Variants in SYT1 observed in about 807,000 individuals in gnomAD.
SYT1 encodes synaptotagmin 1.
Under a neutral mutation model 44.8 loss-of-function variants are expected in SYT1, and 8 were observed. The observed-to-expected ratio is 0.18, with a 90% confidence interval of 0.10 to 0.32. The LOEUF (loss-of-function observed/expected upper bound fraction) is 0.32, where lower values mean the gene tolerates loss of function less well. Ranked by LOEUF, SYT1 falls within the 10% of genes least tolerant of loss-of-function variation. The pLI, the probability that SYT1 is intolerant of heterozygous loss-of-function variation, is 1.00. For missense variants in SYT1, 286 were observed against 509.3 expected (o/e 0.56, Z 4.22); for synonymous variants, 154 against 188.8 (o/e 0.82, Z 1.51).
chr12:79,328,149 G>C (rs961608732), intron 8 of SYT1, among the ~76,000 whole-genome samples: 1 of 152,202 alleles, frequency 6.6e-6, no homozygotes, highest in African/African-American at 2.4e-5. Flanking sequence ...CGATATGGCT[G>C]TGAAGACAGA....
intron 2 of SYT1, among the ~76,000 whole-genome samples, chr12:79,039,194 A>G (rs1338398700): frequency 6.6e-6 from 1 of 151,986 alleles, no homozygotes; most frequent in Non-Finnish European, 1.5e-5. Context: ...TATTTTCTCA[A>G]TGTCAAGCCT....
chr12:79,263,948 C>T (rs995620002), intron 4 of SYT1, among the ~76,000 whole-genome samples: 1 of 151,380 alleles, frequency 6.6e-6, no homozygotes, highest in African/African-American at 2.4e-5. Flanking sequence ...CAGTAAAGGA[C>T]TAAAAATTGT....
At chr12:79,264,353 G>C (rs1878008397) in intron 4 of SYT1, among the ~76,000 whole-genome samples, 1 of 151,828 alleles carries the variant, frequency 6.6e-6, no homozygotes, top group African/African-American at 2.4e-5. Context: ...CTAATTTTTT[G>C]TATTTTTAGC....
At chr12:79,353,850 T>C (rs1565922532) in intron 9 of SYT1, among the ~76,000 whole-genome samples, 1 of 152,180 alleles carries the variant, frequency 6.6e-6, no homozygotes, top group East Asian at 1.9e-4. Context: ...GGAGCCAAAG[T>C]ATCAATTGTC....
At chr12:79,211,286 T>C (rs1323913119) in intron 3 of SYT1, among the ~76,000 whole-genome samples, 2 of 152,190 alleles carry the variant, frequency 1.3e-5, no homozygotes, top group African/African-American at 4.8e-5. Flanking sequence ...ATTTTATAGA[T>C]CATTATAATT....
At chr12:79,424,076 G>A (rs970887745) in intron 9 of SYT1, among the ~76,000 whole-genome samples, 4 of 151,908 alleles carry the variant, frequency 2.6e-5, no homozygotes, top group Admixed American at 1.3e-4. Flanking sequence ...ACTTAGTTCA[G>A]ATTATAAAGA....
chr12:79,370,840 A>G (rs1883756773), intron 9 of SYT1, among the ~76,000 whole-genome samples: 1 of 152,234 alleles, frequency 6.6e-6, no homozygotes, highest in South Asian at 2.1e-4. Context: ...CCTACCTGCC[A>G]TAGGTTAGGG....
chr12:79,170,020 A>G (rs1178851923), intron 3 of SYT1, among the ~76,000 whole-genome samples: 2 of 152,120 alleles, frequency 1.3e-5, no homozygotes, highest in Non-Finnish European at 2.9e-5. Flanking sequence ...TCTGCAAAGG[A>G]CATGATCTCA....
chr12:78,974,369 T>C (rs1321772858), intron 1 of SYT1, among the ~76,000 whole-genome samples: 18 of 152,060 alleles, frequency 1.2e-4, no homozygotes, highest in Non-Finnish European at 2.9e-5. Flanking sequence ...ACTTATAAAT[T>C]AAGAAAACAG....
intron 3 of SYT1, chr12:79,103,159 T>A (rs1878531656): frequency 6.6e-6 from 1 of 152,206 alleles, no homozygotes; most frequent in Admixed American, 6.5e-5. Flanking sequence ...GTTTTACTTA[T>A]CGTGGCAATT....
intron 4 of SYT1, among the ~76,000 whole-genome samples, chr12:79,279,011 TAAA>T (rs201517841): frequency 2.3e-5 from 3 of 128,148 alleles, no homozygotes; most frequent in East Asian, 2.1e-4. Context: ...GAATTAATAC[TAAA>T]AAAAAAAAAA....
At chr12:78,934,003 A>G (rs1877897628) in intron 1 of SYT1, among the ~76,000 whole-genome samples, 1 of 152,152 alleles carries the variant, frequency 6.6e-6, no homozygotes, top group Non-Finnish European at 1.5e-5. Context: ...TGGTCAATAC[A>G]GTTATTCCCT....
At chr12:79,003,650 A>C (rs1870886681) in intron 2 of SYT1, among the ~76,000 whole-genome samples, 1 of 151,982 alleles carries the variant, frequency 6.6e-6, no homozygotes, top group South Asian at 2.1e-4. Flanking sequence ...ACTTTAATTC[A>C]TATTATACTG....
chr12:79,039,038 C>T (rs1000935745), intron 2 of SYT1, among the ~76,000 whole-genome samples: 19 of 151,844 alleles, frequency 1.3e-4, no homozygotes, highest in Non-Finnish European at 1.9e-4. Flanking sequence ...CCAAAAATGC[C>T]GCAAAAATTA....
chr12:79,060,490 T>G (rs1281186097), intron 3 of SYT1, among the ~76,000 whole-genome samples: 1 of 152,012 alleles, frequency 6.6e-6, no homozygotes, highest in Non-Finnish European at 1.5e-5. Context: ...TCCCCCTCCC[T>G]GCAGCCCCTG....
chr12:79,041,238 C>G (rs1197129731), intron 2 of SYT1, among the ~76,000 whole-genome samples: 8 of 152,010 alleles, frequency 5.3e-5, no homozygotes, highest in Admixed American at 2.0e-4. Flanking sequence ...TCATGATATT[C>G]ATTCTTCCTA....
intron 4 of SYT1, among the ~76,000 whole-genome samples, chr12:79,243,369 A>T (rs1317518603): frequency 1.3e-5 from 2 of 152,206 alleles, no homozygotes; most frequent in African/African-American, 4.8e-5. Flanking sequence ...CAAAACATCA[A>T]GTACAGGGCA....
intron 1 of SYT1, among the ~76,000 whole-genome samples, chr12:78,929,446 A>AAAAG (rs373264605): frequency 3.9e-5 from 5 of 128,592 alleles, no homozygotes; most frequent in African/African-American, 1.9e-4. Context: ...AAAAAAAAAA[A>AAAAG]GGTTATTAGC....
intron 1 of SYT1, among the ~76,000 whole-genome samples, chr12:78,967,807 A>C (rs1172268263): frequency 6.6e-6 from 1 of 152,138 alleles, no homozygotes; most frequent in Non-Finnish European, 1.5e-5. Context: ...CTTGGGGGAA[A>C]TTAAACACAG....
Sources: allele counts gnomAD v4.1 joint callset (sites outside exome capture counted in the v4.1 genomes callset), GRCh38; gene constraint gnomAD v4.1.1; transcripts MANE v1.5; gene names NCBI Gene and HGNC (gene_info 2026-07-23, HGNC 2026-07-21).